The following AGBL1 variants were observed in gnomAD, a reference collection of about 807,000 sequenced individuals.
AGBL1 encodes AGBL carboxypeptidase 1.
Under a neutral mutation model 118.9 loss-of-function variants are expected in AGBL1, and 130 were observed. The observed-to-expected ratio is 1.09, with a 90% CI of 0.95 to 1.26. AGBL1 has a LOEUF of 1.26. AGBL1 is among the 50% of genes most tolerant of loss of function. The pLI is 0.00. For missense variants in AGBL1, 1,584 were observed against 1,298.1 expected (o/e 1.22, Z -3.38); for synonymous variants, 555 against 478.9 (o/e 1.16, Z -2.08).
At chr15:86,151,977 C>A (rs983284346) in intron 3 of AGBL1, among the ~76,000 whole-genome samples, 1 of 152,126 alleles carries the variant, frequency 6.6e-6, no homozygotes, top group African/African-American at 2.4e-5. Context: ...TGAAGGACCT[C>A]TTCAAGGAGA....
At chr15:86,687,838 T>A (rs2086087949) in intron 22 of AGBL1, among the ~76,000 whole-genome samples, 1 of 152,152 alleles carries the variant, frequency 6.6e-6, no homozygotes, top group South Asian at 2.1e-4. Flanking sequence ...AGATATACAC[T>A]GAAATATTGA....
At chr15:86,965,486 T>A (rs566235885) in intron 23 of AGBL1, among the ~76,000 whole-genome samples, 2 of 152,218 alleles carry the variant, frequency 1.3e-5, no homozygotes, top group East Asian at 3.9e-4. Flanking sequence ...GGGTTTGTTT[T>A]TTTCTTGTAA....
chr15:86,701,386 T>C (rs1475589599), intron 22 of AGBL1, among the ~76,000 whole-genome samples: 3 of 152,074 alleles, frequency 2.0e-5, no homozygotes. Flanking sequence ...TGTTAATAAT[T>C]CTGGAAATCC....
At chr15:86,144,658 G>C (rs961769069) in intron 3 of AGBL1, among the ~76,000 whole-genome samples, 4 of 152,130 alleles carry the variant, frequency 2.6e-5, no homozygotes, top group Non-Finnish European at 4.4e-5. Context: ...ACTTGGGCCT[G>C]TCAGAGGATG....
chr15:86,560,704 G>A (rs1380302514), intron 21 of AGBL1, among the ~76,000 whole-genome samples: 1 of 152,196 alleles, frequency 6.6e-6, no homozygotes, highest in Non-Finnish European at 1.5e-5. Flanking sequence ...AGATCCTTGA[G>A]GAATCGCCAC....
chr15:86,648,142 G>C lies in AGBL1; in HGVS notation c.2995-26131G>C, dbSNP rs140977896. On this transcript the variant is annotated intron_variant, in intron 21 of 22. Transcript: ENST00000614907. ...AAATGAGAAGTTAGTGGCATAATCT[G>C]ACTTACATTTTGAAGGTCTCACTCT... 5.1e-4 allele frequency among the ~76,000 whole-genome samples: 78 copies of C among 152,294 alleles called. No individual in the cohort carries two copies. In the East Asian group the frequency reaches 0.014, roughly 27 times the overall value.
intron 22 of AGBL1, among the ~76,000 whole-genome samples, chr15:86,756,396 G>A (rs1256140948): frequency 6.6e-6 from 1 of 151,878 alleles, no homozygotes; most frequent in Non-Finnish European, 1.5e-5. Context: ...TGGGGATTGG[G>A]GACTCATCAG....
chr15:86,832,627 A>C (rs902439342), intron 22 of AGBL1, among the ~76,000 whole-genome samples: 1 of 152,152 alleles, frequency 6.6e-6, no homozygotes, highest in African/African-American at 2.4e-5. Context: ...AAAGTTCCTC[A>C]TCTCCATCTG....
chr15:86,264,177 A>C (rs2079035001), intron 10 of AGBL1, 81 bp from the exon 11 acceptor site: 5 of 1,191,984 alleles, frequency 4.2e-6, no homozygotes, highest in African/African-American at 1.5e-5. Context: ...CTCTGTGCCC[A>C]GAGAGTAAGG....
At chr15:86,551,763 A>G (rs1330617606) in intron 20 of AGBL1, among the ~76,000 whole-genome samples, 2 of 152,204 alleles carry the variant, frequency 1.3e-5, no homozygotes, top group Non-Finnish European at 2.9e-5. Context: ...AGACAGCTAC[A>G]GCCCAATATT....
intron 22 of AGBL1, among the ~76,000 whole-genome samples, chr15:86,855,264 G>A (rs2079461780): frequency 6.6e-6 from 1 of 152,200 alleles, no homozygotes; most frequent in South Asian, 2.1e-4. Flanking sequence ...AAACACAGGG[G>A]GAGGGGGTAG....
chr15:86,334,144 A>C (rs998857519), intron 17 of AGBL1, among the ~76,000 whole-genome samples: 1 of 152,022 alleles, frequency 6.6e-6, no homozygotes, highest in Admixed American at 6.6e-5. Flanking sequence ...CTCTCTCACC[A>C]CTCCTATTCA....
intron 23 of AGBL1, among the ~76,000 whole-genome samples, chr15:86,966,279 CTTT>C (rs200070732): frequency 7.7e-6 from 1 of 130,398 alleles, no homozygotes; most frequent in African/African-American, 2.8e-5. Context: ...TGAACCATTT[CTTT>C]TTTTTTTTTT....
intron 22 of AGBL1, among the ~76,000 whole-genome samples, chr15:86,677,800 A>T (rs904903406): frequency 6.6e-6 from 1 of 152,104 alleles, no homozygotes; most frequent in Non-Finnish European, 1.5e-5. Context: ...CTACATAGAT[A>T]TTAGAAAAAA....
chr15:87,006,128 C>G (rs547559040), intron 24 of AGBL1, among the ~76,000 whole-genome samples: 223 of 152,326 alleles, frequency 1.5e-3, no homozygotes, highest in African/African-American at 5.0e-3. Flanking sequence ...GCCAGTTAGG[C>G]TACTCAGGGG....
chr15:86,938,508 A>T (rs1420160851), intron 23 of AGBL1, among the ~76,000 whole-genome samples: 1 of 152,202 alleles, frequency 6.6e-6, no homozygotes, highest in African/African-American at 2.4e-5. Context: ...TAATTCAGGC[A>T]GCTGAACGTA....
intron 5 of AGBL1, among the ~76,000 whole-genome samples, chr15:86,222,897 C>T (rs1290310855): frequency 2.6e-5 from 4 of 152,074 alleles, no homozygotes; most frequent in Admixed American, 6.6e-5. Context: ...GATACTGTCC[C>T]CTAAACCAAT....
At chr15:86,814,374 G>T (rs935836559) in intron 22 of AGBL1, among the ~76,000 whole-genome samples, 1 of 152,170 alleles carries the variant, frequency 6.6e-6, no homozygotes, top group African/African-American at 2.4e-5. Context: ...CCAGTCCCTG[G>T]TGCCAAAAAG....
At chr15:86,856,616 A>G (rs2079484986) in intron 22 of AGBL1, among the ~76,000 whole-genome samples, 1 of 152,268 alleles carries the variant, frequency 6.6e-6, no homozygotes, top group Non-Finnish European at 1.5e-5. Flanking sequence ...ACTCTGCAGC[A>G]GGCACTGTGT....
Sources: allele counts gnomAD v4.1 joint callset (sites outside exome capture counted in the v4.1 genomes callset), GRCh38; gene constraint gnomAD v4.1.1; transcripts MANE v1.5; gene names NCBI Gene and HGNC (gene_info 2026-07-23, HGNC 2026-07-21).